The following WDR72 variants were observed in gnomAD, a reference collection of about 807,000 sequenced individuals.
WDR72 encodes WD repeat domain 72.
In WDR72, 120 loss-of-function variants were observed where a neutral mutation model predicts 124.2. The observed-to-expected ratio is 0.97, with a 90% CI of 0.83 to 1.12. The LOEUF (loss-of-function observed/expected upper bound fraction) is 1.12, where lower values mean the gene tolerates loss of function less well. Among genes scored for constraint, WDR72 ranks in the 50% most tolerant of loss-of-function variants. WDR72 has a pLI of 0.00. For missense variants in WDR72, 1,387 were observed against 1,278.8 expected (o/e 1.08, Z -1.29); for synonymous variants, 452 against 441.7 (o/e 1.02, Z -0.29).
In WDR72 at chr15:53,601,388, C is replaced by T. The variant is rs190622087; in HGVS notation, c.2953-4114G>A. Among the ~76,000 whole-genome samples the T allele has an allele frequency of 1.1e-4, 16 of 152,154 alleles. 1 individual carries two copies. The highest frequency in any genetic ancestry group is 3.9e-4 in the African/African-American group (16 of 41,510). On this transcript the variant is annotated intron_variant, in intron 17 of 19. Transcript: ENST00000360509. ...TAAATATAGAAAGGAGGGACTGTTACCAGCCATTACAAAAACACACTGATG... is the reference window on the plus strand; with the variant it reads ...TAAATATAGAAAGGAGGGACTGTTATCAGCCATTACAAAAACACACTGATG...
At chr15:53,670,776 G>A (rs746590789) in intron 13 of WDR72, among the ~76,000 whole-genome samples, 36 of 152,172 alleles carry the variant, frequency 2.4e-4, no homozygotes, top group Admixed American at 2.0e-3. Context: ...GGCACACAGT[G>A]AATGCTGTGC....
chr15:53,757,128 C>T (rs1225708720), intron 1 of WDR72, among the ~76,000 whole-genome samples: 2 of 152,120 alleles, frequency 1.3e-5, no homozygotes, highest in African/African-American at 4.8e-5. Context: ...AGGAAGAGGT[C>T]TTGCAAGGAC....
intron 9 of WDR72, among the ~76,000 whole-genome samples, chr15:53,708,812 C>A (rs562566290): frequency 6.6e-6 from 1 of 152,136 alleles, no homozygotes; most frequent in Non-Finnish European, 1.5e-5. Context: ...GTGGCTGAGA[C>A]CCTGGGAAAA....
At chr15:53,613,267 A>G (rs998431377) in intron 16 of WDR72, among the ~76,000 whole-genome samples, 1 of 152,292 alleles carries the variant, frequency 6.6e-6, no homozygotes, top group African/African-American at 2.4e-5. Flanking sequence ...TGATGCAATA[A>G]ACTTTCCAAT....
At chr15:53,677,951 A>G (rs2016234938) in intron 13 of WDR72, among the ~76,000 whole-genome samples, 1 of 152,172 alleles carries the variant, frequency 6.6e-6, no homozygotes, top group Non-Finnish European at 1.5e-5. Context: ...GTGACAGGGT[A>G]TTAGTGTTTC....
At chr15:53,702,711 A>G (rs1217941223) in intron 11 of WDR72, among the ~76,000 whole-genome samples, 3 of 152,108 alleles carry the variant, frequency 2.0e-5, no homozygotes, top group Admixed American at 1.3e-4. Context: ...CATCTCTACT[A>G]AAAATACAAA....
At chr15:53,731,876 T>A (rs1208083617) in intron 2 of WDR72, among the ~76,000 whole-genome samples, 13 of 152,204 alleles carry the variant, frequency 8.5e-5, no homozygotes, top group Non-Finnish European at 1.9e-4. Flanking sequence ...ATATTAGCAA[T>A]GCCTTTATAA....
chr15:53,671,459 A>T (rs559755020), intron 13 of WDR72, among the ~76,000 whole-genome samples: 31 of 152,326 alleles, frequency 2.0e-4, no homozygotes, highest in African/African-American at 4.6e-4. Context: ...AACAGATACT[A>T]AACTCTTTTT....
intron 17 of WDR72, among the ~76,000 whole-genome samples, chr15:53,600,502 TG>T (rs1595785299): frequency 6.6e-6 from 1 of 152,174 alleles, no homozygotes; most frequent in Non-Finnish European, 1.5e-5. Context: ...ACTCATTGAC[TG>T]GAAAGAGTCA....
intron 18 of WDR72, among the ~76,000 whole-genome samples, chr15:53,538,830 G>A (rs1457356620): frequency 6.6e-6 from 1 of 152,080 alleles, no homozygotes; most frequent in Non-Finnish European, 1.5e-5. Context: ...TATAAAAGCA[G>A]CTGAAATAAC....
chr15:53,689,759 A>G (rs531329252), intron 13 of WDR72, among the ~76,000 whole-genome samples: 3,524 of 151,110 alleles, frequency 0.023, 73 homozygotes, highest in East Asian at 0.059. Flanking sequence ...ACAAAGACAC[A>G]CGCACACGTA....
At chr15:53,668,461 A>T (rs1480788421) in intron 13 of WDR72, among the ~76,000 whole-genome samples, 1 of 152,220 alleles carries the variant, frequency 6.6e-6, no homozygotes, top group East Asian at 1.9e-4. Flanking sequence ...CTAGTTATCA[A>T]TTTATTACCT....
intron 2 of WDR72, among the ~76,000 whole-genome samples, 159 bp downstream of exon 2, chr15:53,732,838 C>T (rs2018240225): frequency 6.6e-6 from 1 of 152,040 alleles, no homozygotes; most frequent in Admixed American, 6.6e-5. Context: ...TCATATAATA[C>T]TTTATTTTCT....
At chr15:53,536,138 G>A (rs549950756) in intron 18 of WDR72, among the ~76,000 whole-genome samples, 1 of 152,152 alleles carries the variant, frequency 6.6e-6, no homozygotes, top group Non-Finnish European at 1.5e-5. Context: ...CATTAAGCGT[G>A]TCTGCTTTTC....
chr15:53,715,585 G>A (rs1372531765), intron 4 of WDR72, among the ~76,000 whole-genome samples: 9 of 152,096 alleles, frequency 5.9e-5, no homozygotes, highest in South Asian at 2.1e-4. Context: ...AAGAGAGATC[G>A]CTTGGAAGAA....
At chr15:53,660,257 A>T (rs182901555) in intron 14 of WDR72, among the ~76,000 whole-genome samples, 1 of 152,166 alleles carries the variant, frequency 6.6e-6, no homozygotes, top group East Asian at 1.9e-4. Flanking sequence ...TAAAATAAAG[A>T]TAGTTTAATA....
At chr15:53,561,298 C>A (rs1288371790) in intron 18 of WDR72, among the ~76,000 whole-genome samples, 1 of 151,792 alleles carries the variant, frequency 6.6e-6, no homozygotes, top group East Asian at 1.9e-4. Flanking sequence ...TATTTTTAAA[C>A]TTCCTGAGGA....
At chr15:53,545,495 C>G (rs1893401101) in intron 18 of WDR72, among the ~76,000 whole-genome samples, 1 of 151,144 alleles carries the variant, frequency 6.6e-6, no homozygotes, top group Non-Finnish European at 1.5e-5. Flanking sequence ...TTCCTTACAC[C>G]TTATACAAAA....
chr15:53,559,360 T>A (rs1285420279), intron 18 of WDR72, among the ~76,000 whole-genome samples: 2 of 152,022 alleles, frequency 1.3e-5, no homozygotes, highest in Non-Finnish European at 1.5e-5. Flanking sequence ...TCTAAAAATG[T>A]TTTGTAAAGA....
Sources: allele counts gnomAD v4.1 joint callset (sites outside exome capture counted in the v4.1 genomes callset), GRCh38; gene constraint gnomAD v4.1.1; transcripts MANE v1.5; gene names NCBI Gene and HGNC (gene_info 2026-07-23, HGNC 2026-07-21).